The following NRG1 variants were observed in gnomAD, a reference collection of about 807,000 sequenced individuals.
The protein encoded by NRG1 is pro-neuregulin-1, membrane-bound isoform.
NRG1 carries 18 observed loss-of-function variants against 63.8 expected under a neutral mutation model. The ratio of observed to expected loss-of-function variants is 0.28; its 90% CI spans 0.19 to 0.42. NRG1 has a LOEUF of 0.42. Ranked by LOEUF, NRG1 falls within the 10% of genes least tolerant of loss-of-function variation. The pLI is 1.00. For synonymous variants in NRG1, 302 were observed against 301.3 expected, an observed-to-expected ratio of 1.00 and a Z score of -0.02; for missense variants, 762 against 814.7, an observed-to-expected ratio of 0.94 and a Z score of 0.79.
At chr8:32,181,986 C>T (rs1841476479) in intron 1 of NRG1, among the ~76,000 whole-genome samples, 1 of 152,148 alleles carries the variant, frequency 6.6e-6, no homozygotes, top group African/African-American at 2.4e-5. Flanking sequence ...ATGTATTAAA[C>T]TTATCAGTAA....
chr8:32,098,891 G>C (rs1228089017), intron 1 of NRG1: 1 of 152,198 alleles, frequency 6.6e-6, no homozygotes. Flanking sequence ...ACCATGGGTA[G>C]CCATAGGACC....
rs142849060 is a variant in NRG1 at position 32,626,596 on chromosome 8, C to T, written c.502+9711C>T. Among the ~76,000 whole-genome samples, 1,041 of 151,666 alleles carry T rather than the reference C, an allele frequency of 6.9e-3. 84 individuals carry two copies. The East Asian group carries it at 0.19, about 27-fold the overall frequency. On this transcript the variant is annotated intron_variant, in intron 5 of 11. Transcript: ENST00000356819. The stretch of plus-strand genomic sequence containing the variant: ...TGGGGAGGCTGAGGCAGGAGAATGG[C>T]GTGAACCTGGGAGGTGGAGTTTGCA...
intron 1 of NRG1, among the ~76,000 whole-genome samples, chr8:32,238,757 A>C (rs1190343437): frequency 6.6e-6 from 1 of 152,130 alleles, no homozygotes; most frequent in African/African-American, 2.4e-5. Flanking sequence ...TTTCCTTTTA[A>C]TTAGTTTGTA....
At chr8:31,908,058 T>C (rs1832670217) in intron 1 of NRG1, among the ~76,000 whole-genome samples, 1 of 152,322 alleles carries the variant, frequency 6.6e-6, no homozygotes, top group Non-Finnish European at 1.5e-5. Context: ...CAGCCATGCA[T>C]ATGTGTATTT....
chr8:31,840,665 A>G (rs1471128768), intron 1 of NRG1, among the ~76,000 whole-genome samples: 1 of 152,154 alleles, frequency 6.6e-6, no homozygotes, highest in African/African-American at 2.4e-5. Context: ...CACTACACAC[A>G]CACGCACTCA....
At chr8:31,696,142 A>T (rs527855542) in intron 1 of NRG1, among the ~76,000 whole-genome samples, 1 of 152,322 alleles carries the variant, frequency 6.6e-6, no homozygotes, top group South Asian at 2.1e-4. Flanking sequence ...ATCTTGGCTC[A>T]CTGCAACCTC....
intron 1 of NRG1, among the ~76,000 whole-genome samples, chr8:32,298,246 G>A (rs139391832): frequency 3.7e-4 from 57 of 152,330 alleles, no homozygotes; most frequent in African/African-American, 1.3e-3. Context: ...GACATCTCCA[G>A]TTTGGAAAAT....
intron 1 of NRG1, among the ~76,000 whole-genome samples, chr8:32,420,941 C>T (rs181114368): frequency 6.6e-6 from 1 of 152,252 alleles, no homozygotes; most frequent in African/African-American, 2.4e-5. Flanking sequence ...TTATAAGGGG[C>T]TTCCCCCTTC....
intron 2 of NRG1, among the ~76,000 whole-genome samples, chr8:32,596,587 G>T (rs1479769903): frequency 8.0e-6 from 1 of 125,278 alleles, no homozygotes; most frequent in Non-Finnish European, 1.7e-5. Context: ...GCAACAGAGC[G>T]AGACTCCATC....
At chr8:32,264,360 T>A in intron 1 of NRG1, among the ~76,000 whole-genome samples, 1 of 152,110 alleles carries the variant, frequency 6.6e-6, no homozygotes, top group Admixed American at 6.6e-5. Context: ...ATTTTCTTTT[T>A]AAAAAAAGAA....
At chr8:31,820,649 C>T (rs1465053774) in intron 1 of NRG1, among the ~76,000 whole-genome samples, 1 of 152,082 alleles carries the variant, frequency 6.6e-6, no homozygotes, top group Non-Finnish European at 1.5e-5. Context: ...GGATTGAACC[C>T]ATGAACTAGA....
intron 5 of NRG1, among the ~76,000 whole-genome samples, chr8:32,688,408 C>A (rs1292817200): frequency 6.6e-6 from 1 of 152,080 alleles, no homozygotes; most frequent in Non-Finnish European, 1.5e-5. Flanking sequence ...GAGGATTTGT[C>A]AAAAGCAGCT....
intron 1 of NRG1, among the ~76,000 whole-genome samples, chr8:31,727,740 C>T (rs1034690094): frequency 6.6e-6 from 1 of 152,120 alleles, no homozygotes; most frequent in African/African-American, 2.4e-5. Context: ...CCAAGTCCTA[C>T]ATATATTGTC....
chr8:32,567,593 G>C (rs1160771458), intron 1 of NRG1, among the ~76,000 whole-genome samples: 1 of 152,198 alleles, frequency 6.6e-6, no homozygotes, highest in African/African-American at 2.4e-5. Context: ...GATGAGTTTG[G>C]AACTTCACTT....
At chr8:31,639,831 C>T in intron 1 of NRG1, 1 of 1,177,324 alleles carries the variant, frequency 8.5e-7, no homozygotes, top group Non-Finnish European at 1.0e-6. Context: ...ATAAACAACT[C>T]TCCTACCCCT....
intron 1 of NRG1, among the ~76,000 whole-genome samples, chr8:31,929,900 C>G (rs1414455086): frequency 6.6e-6 from 1 of 152,182 alleles, no homozygotes; most frequent in African/African-American, 2.4e-5. Flanking sequence ...ACAACCCAAG[C>G]CTGTCTTTTG....
intron 5 of NRG1, among the ~76,000 whole-genome samples, chr8:32,708,079 C>T (rs1470948154): frequency 6.6e-6 from 1 of 151,436 alleles, no homozygotes; most frequent in East Asian, 1.9e-4. Context: ...CCTTATTATA[C>T]TTAACATAAT....
At chr8:32,556,045 C>A (rs929544537) in intron 1 of NRG1, among the ~76,000 whole-genome samples, 5 of 152,180 alleles carry the variant, frequency 3.3e-5, no homozygotes, top group Non-Finnish European at 5.9e-5. Flanking sequence ...TGGAGTTTTA[C>A]TTTCAATGAT....
intron 1 of NRG1, among the ~76,000 whole-genome samples, chr8:31,674,718 C>T (rs1807503100): frequency 6.6e-6 from 1 of 152,076 alleles, no homozygotes; most frequent in Non-Finnish European, 1.5e-5. Flanking sequence ...AGTTTTTGAC[C>T]TGAATTTACT....
Sources: allele counts gnomAD v4.1 joint callset (sites outside exome capture counted in the v4.1 genomes callset), GRCh38; gene constraint gnomAD v4.1.1; transcripts MANE v1.5; gene names NCBI Gene and HGNC (gene_info 2026-07-23, HGNC 2026-07-21).